Variants in SH2D4A observed in about 807,000 individuals in gnomAD.
SH2D4A encodes the protein SH2 domain-containing protein 4A.
A neutral mutation model predicts 64.7 loss-of-function variants in SH2D4A; 70 were observed. The observed-to-expected ratio is 1.08, with a 90% CI of 0.89 to 1.32. The LOEUF is 1.32. SH2D4A is among the 40% of genes most tolerant of loss of function. SH2D4A has a pLI of 0.00. For synonymous variants in SH2D4A, 268 were observed against 200.7 expected (o/e 1.34, Z -2.83); for missense variants, 706 against 540.1 (o/e 1.31, Z -3.04).
chr8:19,381,458 C>G (rs1025627212), intron 8 of SH2D4A, among the ~76,000 whole-genome samples: 1 of 152,102 alleles, frequency 6.6e-6, no homozygotes, highest in African/African-American at 2.4e-5. Context: ...ATTTCCTTCT[C>G]AGAGTGTTGT....
At chr8:19,379,955 C>T (rs1370142268) in intron 8 of SH2D4A, among the ~76,000 whole-genome samples, 2 of 152,078 alleles carry the variant, frequency 1.3e-5, no homozygotes, top group Non-Finnish European at 2.9e-5. Context: ...AGGCTGGTCT[C>T]AAATTCCTGG....
chr8:19,346,816 T>G (rs1160166775), intron 4 of SH2D4A, among the ~76,000 whole-genome samples: 1 of 152,144 alleles, frequency 6.6e-6, no homozygotes, highest in Non-Finnish European at 1.5e-5. Flanking sequence ...CTGAAATCCT[T>G]CAATTACAGG....
chr8:19,361,104 C>G, intron 5 of SH2D4A, 99 bp from the exon 6 acceptor site: 1 of 476,610 alleles, frequency 2.1e-6, no homozygotes, highest in Admixed American at 5.2e-5. Context: ...GTCAGCTGTG[C>G]CGGGTACCCC....
chr8:19,387,561 A>T (rs941376672), intron 8 of SH2D4A, among the ~76,000 whole-genome samples: 2 of 152,162 alleles, frequency 1.3e-5, no homozygotes, highest in African/African-American at 4.8e-5. Flanking sequence ...ATGCTTTTTT[A>T]TTTTTGTACC....
chr8:19,386,758 T>TGTC (rs1397534454), intron 8 of SH2D4A, among the ~76,000 whole-genome samples: 11 of 152,240 alleles, frequency 7.2e-5, no homozygotes, highest in Admixed American at 7.2e-4. Context: ...GCCATGTGTT[T>TGTC]GTCATCAAAC....
chr8:19,373,416 ATATATGCATG>A, intron 7 of SH2D4A, 104 bp from the exon 8 acceptor site: 1 of 620,530 alleles, frequency 1.6e-6, no homozygotes, highest in Non-Finnish European at 2.4e-6. Flanking sequence ...ATGCATGTAT[ATATATGCATG>A]TATATGTATG....
chr8:19,373,305 C>T (rs983704832), intron 7 of SH2D4A, among the ~76,000 whole-genome samples: 1 of 150,564 alleles, frequency 6.6e-6, no homozygotes, highest in South Asian at 2.1e-4. Flanking sequence ...ATTCCCTCTC[C>T]CTCCCATTCT....
intron 2 of SH2D4A, among the ~76,000 whole-genome samples, chr8:19,331,942 C>A (rs2052370067): frequency 6.6e-6 from 1 of 152,048 alleles, no homozygotes; most frequent in Non-Finnish European, 1.5e-5. Context: ...TTGCTTGAAG[C>A]CAGAAGTTTG....
intron 4 of SH2D4A, among the ~76,000 whole-genome samples, chr8:19,335,168 G>A (rs1441344351): frequency 1.3e-5 from 2 of 152,000 alleles, no homozygotes; most frequent in Admixed American, 6.6e-5. Context: ...GGCGCCTGCA[G>A]TCCCAGCTAC....
chr8:19,357,629 G>A (rs959892311), intron 5 of SH2D4A, among the ~76,000 whole-genome samples: 6 of 152,114 alleles, frequency 3.9e-5, no homozygotes, highest in African/African-American at 1.4e-4. Context: ...AATTCAGATC[G>A]AGTTACTTCT....
chr8:19,336,351 T>C (rs1241457233), intron 4 of SH2D4A, among the ~76,000 whole-genome samples: 4 of 152,196 alleles, frequency 2.6e-5, no homozygotes, highest in Non-Finnish European at 5.9e-5. Flanking sequence ...AGGCTCAAAA[T>C]ATTTAGGAAG....
chr8:19,314,125 G>A, intron 1 of SH2D4A: 1 of 1,135,420 alleles, frequency 8.8e-7, no homozygotes, highest in Non-Finnish European at 1.1e-6. Context: ...GGGGTGGCGG[G>A]GGAACTTCGA....
chr8:19,328,878 A>G (rs1262982522), intron 2 of SH2D4A, among the ~76,000 whole-genome samples: 1 of 152,236 alleles, frequency 6.6e-6, no homozygotes, highest in Non-Finnish European at 1.5e-5. Context: ...GCATGGTCTC[A>G]TAACTTGTCA....
chr8:19,373,700 G>C, intron 8 of SH2D4A, 40 bp downstream of exon 8: 1 of 1,592,504 alleles, frequency 6.3e-7, no homozygotes, highest in Non-Finnish European at 8.6e-7. Flanking sequence ...TCGTCTTAGG[G>C]CGGATGAAGC....
At chr8:19,366,618 A>T (rs967172438) in intron 7 of SH2D4A, among the ~76,000 whole-genome samples, 6 of 152,124 alleles carry the variant, frequency 3.9e-5, no homozygotes, top group African/African-American at 1.4e-4. Context: ...AACATGGTGA[A>T]ACCCCGTATT....
intron 4 of SH2D4A, among the ~76,000 whole-genome samples, chr8:19,351,238 T>C (rs558250732): frequency 6.6e-6 from 1 of 152,076 alleles, no homozygotes; most frequent in South Asian, 2.1e-4. Flanking sequence ...AATGACCTGG[T>C]TGGCAAAATG....
intron 4 of SH2D4A, among the ~76,000 whole-genome samples, chr8:19,344,897 C>G (rs1011741605): frequency 5.9e-5 from 9 of 152,128 alleles, no homozygotes; most frequent in African/African-American, 2.2e-4. Context: ...TAAATAGCCT[C>G]GTTAGTTCAA....
chr8:19,357,188 T>G lies in SH2D4A; in HGVS notation c.514-15T>G, dbSNP rs1424673378. ...CAGCTCCAAATGCCATAAATGTGTT[T>G]CGTTTAATTTTTAGTCACTCTCCAG... On this transcript the variant is annotated splice_polypyrimidine_tract_variant and intron_variant, in intron 4 of 9. Coordinates refer to ENST00000265807, the MANE Select transcript of SH2D4A (RefSeq NM_022071.4). 1 of 1,597,826 alleles carries G rather than the reference T, an allele frequency of 6.3e-7. No homozygotes were observed. Among genetic ancestry groups the G allele is most frequent in the Non-Finnish European group, 8.6e-7 (1 of 1,165,356 alleles).
At chr8:19,361,686 G>C (rs1478753481) in intron 6 of SH2D4A, among the ~76,000 whole-genome samples, 1 of 152,084 alleles carries the variant, frequency 6.6e-6, no homozygotes, top group Non-Finnish European at 1.5e-5. Context: ...AAATGTCTAA[G>C]TATCTGAAGG....
Sources: allele counts gnomAD v4.1 joint callset (sites outside exome capture counted in the v4.1 genomes callset), GRCh38; gene constraint gnomAD v4.1.1; transcripts MANE v1.5; gene names NCBI Gene and HGNC (gene_info 2026-07-23, HGNC 2026-07-21).